SLC2A9: variants seen among roughly 807,000 people sequenced by gnomAD.
SLC2A9 encodes the protein solute carrier family 2, facilitated glucose transporter member 9.
Under a neutral mutation model 50.6 loss-of-function variants are expected in SLC2A9, and 39 were observed. The ratio of observed to expected loss-of-function variants is 0.77; its 90% CI spans 0.60 to 1.01. The LOEUF is 1.01. Among genes scored for constraint, SLC2A9 ranks in the 50% least tolerant of loss-of-function variants. The pLI, the probability that SLC2A9 is intolerant of heterozygous loss-of-function variation, is 0.00. For missense variants in SLC2A9, 686 were observed against 677.6 expected, an observed-to-expected ratio of 1.01 and a Z score of -0.14; for synonymous variants, 324 against 276.9, an observed-to-expected ratio of 1.17 and a Z score of -1.69.
intron 10 of SLC2A9, among the ~76,000 whole-genome samples, chr4:9,835,818 G>A (rs1726971436): frequency 6.6e-6 from 1 of 152,112 alleles, no homozygotes; most frequent in Admixed American, 6.5e-5. Flanking sequence ...CAGGCGCGGT[G>A]GCTCACACCT....
chr4:9,777,131 C>G (rs1272279087), downstream of SLC2A9, among the ~76,000 whole-genome samples: 4 of 152,100 alleles, frequency 2.6e-5, no homozygotes, highest in Non-Finnish European at 4.4e-5. Flanking sequence ...ATTTCTCTCT[C>G]CTCAATAATA....
At chr4:9,904,376 G>C (rs943635432) in intron 8 of SLC2A9, among the ~76,000 whole-genome samples, 1 of 152,102 alleles carries the variant, frequency 6.6e-6, no homozygotes, top group Non-Finnish European at 1.5e-5. Flanking sequence ...CTTCAAAGCT[G>C]GCAATGGCGT....
intron 2 of SLC2A9, among the ~76,000 whole-genome samples, chr4:10,005,025 G>A (rs1003353112): frequency 1.3e-5 from 2 of 152,104 alleles, no homozygotes; most frequent in African/African-American, 4.8e-5. Flanking sequence ...CTTTCTATCT[G>A]ACTTTACAGG....
chr4:9,978,655 G>T (rs996370249), intron 5 of SLC2A9, among the ~76,000 whole-genome samples: 1 of 152,092 alleles, frequency 6.6e-6, no homozygotes, highest in Non-Finnish European at 1.5e-5. Context: ...TAACACACTC[G>T]CAATTAATTA....
chr4:10,025,478 C>T (rs1429839594), upstream of SLC2A9, among the ~76,000 whole-genome samples: 1 of 152,032 alleles, frequency 6.6e-6, no homozygotes, highest in Non-Finnish European at 1.5e-5. Context: ...TCTGATGAGT[C>T]CCAAGAAGAA....
intron 10 of SLC2A9, among the ~76,000 whole-genome samples, chr4:9,880,748 A>C (rs1353255625): frequency 6.6e-6 from 1 of 152,238 alleles, no homozygotes; most frequent in Non-Finnish European, 1.5e-5. Context: ...GAAGCATTAA[A>C]TCACACCATG....
chr4:9,930,098 T>C (rs1004004806), intron 6 of SLC2A9, among the ~76,000 whole-genome samples: 4 of 152,168 alleles, frequency 2.6e-5, no homozygotes, highest in African/African-American at 9.7e-5. Context: ...AGCTTTGGAA[T>C]GCTGTCCTCC....
At chr4:10,026,830 G>C (rs924302121) in intron 1 of SLC2A9, among the ~76,000 whole-genome samples, 1 of 152,180 alleles carries the variant, frequency 6.6e-6, no homozygotes, top group African/African-American at 2.4e-5. Context: ...GATCACCTGA[G>C]GTTGGGAGTT....
chr4:9,970,224 C>A (rs191533675), intron 5 of SLC2A9, among the ~76,000 whole-genome samples: 1 of 152,154 alleles, frequency 6.6e-6, no homozygotes, highest in Non-Finnish European at 1.5e-5. Context: ...GGAGCAGCAT[C>A]GGACATGCTT....
intron 10 of SLC2A9, among the ~76,000 whole-genome samples, chr4:9,850,799 C>T (rs970795951): frequency 1.3e-5 from 2 of 152,152 alleles, no homozygotes; most frequent in Non-Finnish European, 2.9e-5. Context: ...GCATTCATCA[C>T]ATAATGCCAC....
intron 5 of SLC2A9, among the ~76,000 whole-genome samples, chr4:9,956,823 TC>T (rs1751391524): frequency 1.3e-5 from 2 of 152,172 alleles, no homozygotes; most frequent in African/African-American, 4.8e-5. Flanking sequence ...TCTTATCCAT[TC>T]CTTAAACGTG....
At chr4:9,777,202 T>C (rs966192028), downstream of SLC2A9, among the ~76,000 whole-genome samples, 2 of 152,016 alleles carry the variant, frequency 1.3e-5, no homozygotes, top group Non-Finnish European at 1.5e-5. Flanking sequence ...GGCCCTAGAA[T>C]AGGGTCTGGG....
intron 10 of SLC2A9, among the ~76,000 whole-genome samples, chr4:9,840,005 T>A (rs1727788612): frequency 6.6e-6 from 1 of 152,128 alleles, no homozygotes; most frequent in Non-Finnish European, 1.5e-5. Context: ...ACTTTACATA[T>A]ATTATCTTAT....
intron 3 of SLC2A9, among the ~76,000 whole-genome samples, chr4:9,813,483 A>G (rs763725393): frequency 1.9e-4 from 29 of 152,174 alleles, no homozygotes; most frequent in Non-Finnish European, 3.7e-4. Flanking sequence ...CTGGAGCCAC[A>G]TTCATTCCCT....
chr4:10,004,879 T>C (rs1389409035), intron 2 of SLC2A9, among the ~76,000 whole-genome samples: 1 of 152,244 alleles, frequency 6.6e-6, no homozygotes, highest in Non-Finnish European at 1.5e-5. Context: ...CAATCTGCAA[T>C]AAAAATTTGC....
At chr4:9,850,748 G>A (rs575331266) in intron 10 of SLC2A9, among the ~76,000 whole-genome samples, 7 of 152,218 alleles carry the variant, frequency 4.6e-5, no homozygotes, top group African/African-American at 1.7e-4. Context: ...CTGGTGCACT[G>A]TGAGTGGACC....
At chr4:9,966,765 T>C (rs1241729024) in intron 5 of SLC2A9, among the ~76,000 whole-genome samples, 1 of 152,250 alleles carries the variant, frequency 6.6e-6, no homozygotes, top group East Asian at 1.9e-4. Flanking sequence ...CATGGTGTAA[T>C]GTAAGCATTG....
At chr4:9,963,175 G>T (rs9994937) in intron 5 of SLC2A9, among the ~76,000 whole-genome samples, 71,860 of 151,970 alleles carry the variant, frequency 0.47, 18,144 homozygotes, top group African/African-American at 0.64. Context: ...GTACAGGGGA[G>T]CTCCCATTTC....
chr4:9,806,545 G>C (rs989893610), intron 3 of SLC2A9, among the ~76,000 whole-genome samples: 1 of 152,238 alleles, frequency 6.6e-6, no homozygotes, highest in African/African-American at 2.4e-5. Context: ...CGATATTTCT[G>C]TGTGTGTCTT....
Sources: gnomAD v4.1 joint callset for allele counts (sites outside exome capture counted in the v4.1 genomes callset) on GRCh38, gnomAD v4.1.1 for gene constraint, MANE v1.5 for transcripts, NCBI Gene and HGNC (gene_info 2026-07-23, HGNC 2026-07-21) for gene names.